The following TADA2A variants were observed in gnomAD, a reference collection of about 807,000 sequenced individuals.
The protein encoded by TADA2A is transcriptional adaptor 2A.
In TADA2A, 38 loss-of-function variants were observed where a neutral mutation model predicts 67.4. The ratio of observed to expected loss-of-function variants is 0.56; its 90% CI spans 0.44 to 0.74. The LOEUF is 0.74. TADA2A is among the 30% of genes least tolerant of loss of function. The probability of loss-of-function intolerance (pLI) is 0.00; values close to 1 mark genes in which losing one functional copy is unlikely to be tolerated. For missense variants in TADA2A, 454 were observed against 547.0 expected, an observed-to-expected ratio of 0.83 and a Z score of 1.70; for synonymous variants, 192 against 181.6, an observed-to-expected ratio of 1.06 and a Z score of -0.46.
intron 3 of TADA2A, among the ~76,000 whole-genome samples, chr17:37,425,706 T>TG (rs1210730106): frequency 6.6e-6 from 1 of 152,118 alleles, no homozygotes; most frequent in Non-Finnish European, 1.5e-5. Context: ...TGGAGTGCAG[T>TG]GGCATGATCA....
intron 8 of TADA2A, among the ~76,000 whole-genome samples, chr17:37,452,270 G>A (rs889895098): frequency 1.6e-4 from 24 of 151,946 alleles, no homozygotes; most frequent in Non-Finnish European, 3.1e-4. Flanking sequence ...GGGTATGGTG[G>A]CGTGCACCTG....
At chr17:37,454,654 A>G in intron 8 of TADA2A, 1 of 258,174 alleles carries the variant, frequency 3.9e-6, no homozygotes, top group Non-Finnish European at 7.9e-6. Flanking sequence ...AAGAAAGCAT[A>G]AAAAAGGGAC....
At chr17:37,430,637 T>G (rs2052542065) in intron 4 of TADA2A, among the ~76,000 whole-genome samples, 1 of 152,318 alleles carries the variant, frequency 6.6e-6, no homozygotes, top group African/African-American at 2.4e-5. Context: ...TTCTTATAAA[T>G]GTAGATTTCT....
chr17:37,477,205 G>C lies in TADA2A; in HGVS notation c.*223G>C. 2.2e-6 allele frequency: 1 copy of C among 459,874 alleles called. No homozygotes were observed. The highest frequency in any genetic ancestry group is 3.8e-6 in the Non-Finnish European group (1 of 262,782). The allele number at this position is 459,874 out of a possible 1,614,324, so 28.5% of individuals were successfully genotyped here. A position where few individuals can be genotyped will look rare whatever the true frequency, so the allele number is the denominator to read the frequency against. ...TGCTGCAGAGTTGTGTGCTACATAA[G>C]CTATTATTAAATGTGAGTGGGCATT... On this transcript the variant is annotated 3_prime_UTR_variant, in exon 16 of 16. Transcript: ENST00000615182.
intron 8 of TADA2A, chr17:37,454,865 G>A (rs1235754038): frequency 1.3e-5 from 3 of 223,114 alleles, no homozygotes; most frequent in Non-Finnish European, 2.9e-5. Context: ...AATGGCTGCT[G>A]CTAAGGCAGC....
At position 37,442,635 on chromosome 17, in the gene TADA2A, C is replaced by T. The variant is rs1040429867; in HGVS notation, c.514C>T (p.Arg172Ter). ...SRDMAGYMPARADFIEEFDNY... is the reference protein window; with the variant it reads ...SRDMAGYMPA ...GGACATGGCCGGGTACATGCCAGCT[C>T]GAGCAGATTTCATTGAGGTAGGATA... Residue 172 changes from arginine to a stop codon, truncating the protein, a stop_gained, in exon 7 of 16, where the codon CGA (arginine) becomes TGA (stop). Transcript: ENST00000615182. LOFTEE classifies it high-confidence loss of function. 6 of 1,613,720 alleles carry T rather than the reference C, an allele frequency of 3.7e-6. No homozygotes were observed. The highest frequency in any genetic ancestry group is 1.3e-5 in the African/African-American group (1 of 74,944).
chr17:37,413,187 A>G (rs1020513740), intron 2 of TADA2A, among the ~76,000 whole-genome samples: 1 of 152,164 alleles, frequency 6.6e-6, no homozygotes, highest in Non-Finnish European at 1.5e-5. Context: ...TTGGCCTCCC[A>G]AAGTGCTGGG....
chr17:37,425,451 C>T (rs952927141), intron 3 of TADA2A, among the ~76,000 whole-genome samples: 7 of 152,096 alleles, frequency 4.6e-5, no homozygotes, highest in African/African-American at 1.7e-4. Context: ...ATTAGTATCC[C>T]CATTTTATAG....
At chr17:37,432,174 ATT>A (rs35609332) in intron 4 of TADA2A, among the ~76,000 whole-genome samples, 1 of 146,214 alleles carries the variant, frequency 6.8e-6, no homozygotes, top group African/African-American at 2.6e-5. Flanking sequence ...TTATTTATTT[ATT>A]TTTTTTTTGT....
rs1298202732 is a variant in TADA2A at position 37,414,049 on chromosome 17, A to G, written c.25+2659A>G. On this transcript the variant is annotated intron_variant, in intron 2 of 15. Coordinates refer to ENST00000615182, the MANE Select transcript of TADA2A (RefSeq NM_001166105.3). ...ATACTTGTAGGTGAGATCAGAGGGT[A>G]TTTGGTTTTCTCTTCCTGTGTTAGT... Among the ~76,000 whole-genome samples, 40 of 151,750 alleles carry G rather than the reference A, an allele frequency of 2.6e-4. 1 individual carries two copies. The highest frequency in any genetic ancestry group is 2.6e-3 in the Admixed American group (40 of 15,204).
intron 8 of TADA2A, among the ~76,000 whole-genome samples, chr17:37,456,525 G>C (rs1044897283): frequency 4.6e-5 from 7 of 152,210 alleles, no homozygotes; most frequent in Admixed American, 3.9e-4. Context: ...GTTAAGTGCA[G>C]TGTGGCTAAG....
At chr17:37,453,889 G>C (rs2053302199) in intron 8 of TADA2A, among the ~76,000 whole-genome samples, 1 of 147,406 alleles carries the variant, frequency 6.8e-6, no homozygotes, top group Non-Finnish European at 1.5e-5. Flanking sequence ...TCCTGCCTCA[G>C]CCTCCTGAGT....
At chr17:37,451,806 A>G (rs2053241473) in intron 8 of TADA2A, among the ~76,000 whole-genome samples, 2 of 151,818 alleles carry the variant, frequency 1.3e-5, no homozygotes, top group Admixed American at 1.3e-4. Context: ...CAACACGGTG[A>G]AACCCCGTCT....
At chr17:37,419,463 C>T (rs1410087137) in intron 2 of TADA2A, among the ~76,000 whole-genome samples, 6 of 146,324 alleles carry the variant, frequency 4.1e-5, no homozygotes, top group Admixed American at 1.4e-4. Context: ...CATGAGCCAC[C>T]GTGGCCCGTG....
chr17:37,462,664 ATG>A (rs1217622263), intron 10 of TADA2A, among the ~76,000 whole-genome samples: 1 of 152,106 alleles, frequency 6.6e-6, no homozygotes, highest in Non-Finnish European at 1.5e-5. Context: ...AAATAAATAA[ATG>A]TATTAATTTG....
intron 2 of TADA2A, among the ~76,000 whole-genome samples, chr17:37,416,521 T>A (rs983087897): frequency 6.6e-6 from 1 of 152,212 alleles, no homozygotes; most frequent in African/African-American, 2.4e-5. Flanking sequence ...GTTTTCTTTT[T>A]ATTAATGTAG....
intron 2 of TADA2A, among the ~76,000 whole-genome samples, chr17:37,411,812 TTGACTC>T (rs2051882369): frequency 6.6e-6 from 1 of 151,974 alleles, no homozygotes; most frequent in Non-Finnish European, 1.5e-5. Flanking sequence ...ATAAAGCCCT[TTGACTC>T]TGATTCTAAG....
intron 8 of TADA2A, 50 bp downstream of exon 8, chr17:37,444,818 C>G (rs1354135074): frequency 6.6e-7 from 1 of 1,525,332 alleles, no homozygotes. Context: ...TGTGTGATGA[C>G]ACTGTCTTGG....
intron 10 of TADA2A, 84 bp downstream of exon 10, chr17:37,462,205 T>G: frequency 1.1e-6 from 1 of 945,738 alleles, no homozygotes; most frequent in Non-Finnish European, 1.6e-6. Context: ...TTGTAGTTCT[T>G]AATCCAAGTT....
Sources: allele counts gnomAD v4.1 joint callset (sites outside exome capture counted in the v4.1 genomes callset), GRCh38; gene constraint gnomAD v4.1.1; transcripts MANE v1.5; gene names NCBI Gene and HGNC (gene_info 2026-07-23, HGNC 2026-07-21).